The following WDFY4 variants were observed in gnomAD, a reference collection of about 807,000 sequenced individuals.
WDFY4 encodes the protein WDFY family member 4.
In WDFY4, 169 loss-of-function variants were observed where a neutral mutation model predicts 351.9. The ratio of observed to expected loss-of-function variants is 0.48; its 90% confidence interval spans 0.42 to 0.55. The LOEUF (loss-of-function observed/expected upper bound fraction) is 0.55, where lower values mean the gene tolerates loss of function less well. WDFY4 is among the 20% of genes least tolerant of loss of function. The pLI is 0.00. For synonymous variants in WDFY4, 1,622 were observed against 1,574.6 expected, an observed-to-expected ratio of 1.03 and a Z score of -0.71; for missense variants, 3,803 against 3,935.6, an observed-to-expected ratio of 0.97 and a Z score of 0.90.
intron 10 of WDFY4, 140 bp from the exon 11 acceptor site, chr10:48,735,740 A>C: frequency 7.2e-6 from 6 of 838,874 alleles, no homozygotes; most frequent in Non-Finnish European, 1.1e-5. Flanking sequence ...GTTACCAAAA[A>C]ATCTACCAGT....
Position 48,842,772 on chromosome 10 carries a change from A to G in WDFY4, c.6663+10063A>G, listed in dbSNP as rs571216445. ...TCCACACACTTAATGAATTATCAGT[A>G]GCTACAGTGACTTGCTTTGTCCATG... On this transcript the variant is annotated intron_variant, in intron 39 of 61. Coordinates refer to ENST00000325239, the MANE Select transcript of WDFY4 (RefSeq NM_001394531.1). Among the ~76,000 whole-genome samples, 6 of 152,354 alleles carry G rather than the reference A, an allele frequency of 3.9e-5. No individual in the cohort carries two copies. The South Asian group carries it at 8.3e-4, about 21-fold the overall frequency.
intron 48 of WDFY4, 133 bp from the exon 49 acceptor site, chr10:48,943,197 A>G (rs1351755703): frequency 2.9e-6 from 3 of 1,048,588 alleles, no homozygotes; most frequent in Non-Finnish European, 2.7e-6. Flanking sequence ...ATGTGCACAA[A>G]GTAACCGAGG....
chr10:48,687,428 G>C (rs762714639), intron 1 of WDFY4, among the ~76,000 whole-genome samples: 1 of 151,924 alleles, frequency 6.6e-6, no homozygotes, highest in East Asian at 1.9e-4. Context: ...CCACTATAAG[G>C]TTGTAAAATT....
chr10:48,747,399 T>C (rs1172219504), intron 12 of WDFY4, among the ~76,000 whole-genome samples: 1 of 152,214 alleles, frequency 6.6e-6, no homozygotes, highest in Non-Finnish European at 1.5e-5. Context: ...CTGATGTCTT[T>C]TATAAAATAT....
intron 13 of WDFY4, among the ~76,000 whole-genome samples, chr10:48,772,944 C>G (rs1480042781): frequency 1.3e-5 from 2 of 151,032 alleles, no homozygotes; most frequent in Non-Finnish European, 2.9e-5. Context: ...TCCAGTCTAT[C>G]ATTGTTGGAC....
At chr10:48,825,537 C>T (rs1033738471) in intron 35 of WDFY4, among the ~76,000 whole-genome samples, 5 of 152,176 alleles carry the variant, frequency 3.3e-5, no homozygotes, top group Non-Finnish European at 5.9e-5. Context: ...ATCACCACAT[C>T]GTCTTCCATG....
Position 48,727,462 on chromosome 10 carries a change from T to C in WDFY4, c.782-8T>C, listed in dbSNP as rs1589464969. 1.3e-6 allele frequency: 2 copies of C among 1,551,286 alleles called. No individual in the cohort carries two copies. Among genetic ancestry groups the C allele is most frequent in the African/African-American group, 2.7e-5 (2 of 73,046 alleles). ...TCAGCAGGTCTCTCCTGTGCTTCCCTCCTGCAGCCACAGACTGTGTCAGGC... is the reference window on the plus strand; with the variant it reads ...TCAGCAGGTCTCTCCTGTGCTTCCCCCCTGCAGCCACAGACTGTGTCAGGC... On this transcript the variant is annotated splice_polypyrimidine_tract_variant and splice_region_variant and intron_variant, in intron 6 of 61. Coordinates refer to ENST00000325239, the MANE Select transcript of WDFY4 (RefSeq NM_001394531.1).
chr10:48,688,769 T>C (rs1380094565), intron 1 of WDFY4, among the ~76,000 whole-genome samples: 1 of 152,166 alleles, frequency 6.6e-6, no homozygotes, highest in Admixed American at 6.5e-5. Flanking sequence ...GTTGAGATAA[T>C]GACAGGTGGT....
chr10:48,796,038 G>A (rs2066863403), intron 23 of WDFY4, among the ~76,000 whole-genome samples: 1 of 152,194 alleles, frequency 6.6e-6, no homozygotes, highest in South Asian at 2.1e-4. Context: ...CTTGAGGAGT[G>A]TGGGAGGAAA....
At chr10:48,879,503 T>C (rs1373816836) in intron 43 of WDFY4, among the ~76,000 whole-genome samples, 1 of 152,248 alleles carries the variant, frequency 6.6e-6, no homozygotes, top group Non-Finnish European at 1.5e-5. Context: ...ATATTCGCTT[T>C]CTATCTCTGC....
At position 48,727,502 on chromosome 10, in the gene WDFY4, C is replaced by T; in HGVS notation, c.814C>T (p.Leu272Phe). 2 of 1,551,770 alleles carry T rather than the reference C, an allele frequency of 1.3e-6. No homozygotes were observed. The highest frequency in any genetic ancestry group is 1.7e-6 in the Non-Finnish European group (2 of 1,147,004). ...TDCVRLSLQN[L>F]SRLTDTLPAP... ...CTGTGTCAGGCTCTCCCTCCAGAAC[C>T]TCTCCAGGCTCACGGACACTCTCCC... Residue 272 changes from leucine (L) to phenylalanine (F), a missense_variant, in exon 7 of 62, where the codon CTC becomes TTC. Leu to Phe is a conservative substitution (Grantham distance 22, BLOSUM62 0). Coordinates refer to ENST00000325239, the MANE Select transcript of WDFY4 (RefSeq NM_001394531.1).
intron 47 of WDFY4, among the ~76,000 whole-genome samples, chr10:48,930,619 A>G (rs1405470492): frequency 3.3e-5 from 5 of 152,210 alleles, no homozygotes; most frequent in African/African-American, 4.8e-5. Flanking sequence ...ACTTCTAAGA[A>G]TCTCCCTTCA....
At chr10:48,965,165 A>G (rs1842022621) in intron 54 of WDFY4, among the ~76,000 whole-genome samples, 1 of 152,228 alleles carries the variant, frequency 6.6e-6, no homozygotes, top group African/African-American at 2.4e-5. Flanking sequence ...AGCCACTACC[A>G]TCCAGCCATG....
At chr10:48,745,092 T>G (rs1387308956) in intron 12 of WDFY4, among the ~76,000 whole-genome samples, 1 of 152,246 alleles carries the variant, frequency 6.6e-6, no homozygotes, top group Non-Finnish European at 1.5e-5. Context: ...TGTTTCCATC[T>G]TCTTTTTACA....
rs1353562634 is a variant in WDFY4 at position 48,961,513 on chromosome 10, G to T, written c.8223+1700G>T. Reference sequence around the variant, plus strand: ...GTGAGGAGGATGTGACTTTTGCCAAGTGGATGTTTGAATGAGTGCTTTAGA... The same window carrying T: ...GTGAGGAGGATGTGACTTTTGCCAATTGGATGTTTGAATGAGTGCTTTAGA... On this transcript the variant is annotated intron_variant, in intron 53 of 61. Coordinates refer to ENST00000325239, the MANE Select transcript of WDFY4 (RefSeq NM_001394531.1). Among the ~76,000 whole-genome samples, 7 of 152,350 alleles carry T rather than the reference G, an allele frequency of 4.6e-5. No individual in the cohort carries two copies. In the East Asian group the frequency reaches 1.3e-3, roughly 29 times the overall value.
rs761494482 is a variant in WDFY4, at chr10:48,789,952, C to T, written c.4033C>T (p.Arg1345Trp). 7.1e-6 allele frequency: 11 copies of T among 1,552,252 alleles called. No individual in the cohort carries two copies. The highest frequency in any genetic ancestry group is 2.0e-5 in the Admixed American group (1 of 50,994). Residue 1345 changes from arginine (R) to tryptophan (W), a missense_variant, in exon 22 of 62, where the codon CGG (arginine) becomes TGG (tryptophan). Arg to Trp is a moderately radical substitution (Grantham distance 101, BLOSUM62 -3). Transcript: ENST00000325239. The part of the protein sequence containing the change: ...NCAGHLSGSL[R>W]TIGAVAVGQL... ...TGCTGGCCACCTGTCAGGGTCTCTGCGGACCATTGGAGCTGTTGCTGTGGG... is the reference window on the plus strand; with the variant it reads ...TGCTGGCCACCTGTCAGGGTCTCTGTGGACCATTGGAGCTGTTGCTGTGGG...
chr10:48,932,147 G>A (rs964456840), intron 47 of WDFY4, among the ~76,000 whole-genome samples: 4 of 152,222 alleles, frequency 2.6e-5, no homozygotes, highest in African/African-American at 9.7e-5. Context: ...AAGAGTGAAT[G>A]AGGTGATAAA....
At chr10:48,917,450 A>G (rs1232001752) in intron 47 of WDFY4, among the ~76,000 whole-genome samples, 1 of 152,220 alleles carries the variant, frequency 6.6e-6, no homozygotes, top group Non-Finnish European at 1.5e-5. Context: ...ACACTCAGAC[A>G]CATAATCAAA....
chr10:48,685,965 G>C (rs2063035147), intron 1 of WDFY4, among the ~76,000 whole-genome samples: 1 of 152,186 alleles, frequency 6.6e-6, no homozygotes, highest in Non-Finnish European at 1.5e-5. Context: ...GACCTGTGAG[G>C]GAGGCCGAGT....
Sources: allele counts gnomAD v4.1 joint callset (sites outside exome capture counted in the v4.1 genomes callset), GRCh38; gene constraint gnomAD v4.1.1; transcripts MANE v1.5; gene names NCBI Gene and HGNC (gene_info 2026-07-23, HGNC 2026-07-21).